MAN1C1: variants seen among roughly 807,000 people sequenced by gnomAD.
MAN1C1 encodes the protein mannosidase alpha class 1C member 1, also known as mannosyl-oligosaccharide 1,2-alpha-mannosidase IC.
In MAN1C1, 49 loss-of-function variants were observed where a neutral mutation model predicts 71.5. That is an observed-to-expected ratio of 0.69 (90% CI 0.54 to 0.87). The LOEUF (loss-of-function observed/expected upper bound fraction) is 0.87, where lower values mean the gene tolerates loss of function less well. Ranked by LOEUF, MAN1C1 falls within the 40% of genes least tolerant of loss-of-function variation. The probability of loss-of-function intolerance (pLI) is 0.00; values close to 1 mark genes in which losing one functional copy is unlikely to be tolerated. For synonymous variants in MAN1C1, 352 were observed against 343.7 expected (o/e 1.02, Z -0.27); for missense variants, 743 against 835.0 (o/e 0.89, Z 1.36).
chr1:25,698,621 G>T (rs1422001197), intron 2 of MAN1C1, among the ~76,000 whole-genome samples: 1 of 152,078 alleles, frequency 6.6e-6, no homozygotes, highest in Non-Finnish European at 1.5e-5. Context: ...TTACACCAAG[G>T]GCTCCTCAAC....
At chr1:25,755,650 C>T (rs575971432) in intron 5 of MAN1C1, among the ~76,000 whole-genome samples, 1 of 152,288 alleles carries the variant, frequency 6.6e-6, no homozygotes, top group Non-Finnish European at 1.5e-5. Flanking sequence ...AACTGAGGCT[C>T]AGAGAGGTGA....
At chr1:25,695,275 G>A (rs1043461613) in intron 2 of MAN1C1, among the ~76,000 whole-genome samples, 9 of 152,098 alleles carry the variant, frequency 5.9e-5, no homozygotes, top group African/African-American at 1.9e-4. Flanking sequence ...AGGCTTAAGG[G>A]CAGCAAGCAA....
intron 6 of MAN1C1, among the ~76,000 whole-genome samples, chr1:25,762,386 G>C (rs1395297566): frequency 6.6e-6 from 1 of 151,562 alleles, no homozygotes; most frequent in South Asian, 2.1e-4. Context: ...GCCTCCCAAA[G>C]TGCTGGGATT....
chr1:25,642,458 A>G (rs2045551372), intron 1 of MAN1C1, among the ~76,000 whole-genome samples: 1 of 152,214 alleles, frequency 6.6e-6, no homozygotes, highest in Non-Finnish European at 1.5e-5. Context: ...GGTTGATCAG[A>G]TCAAATCTAT....
At chr1:25,749,230 C>T (rs1046874752) in intron 3 of MAN1C1, 25 bp from the exon 4 acceptor site, 10 of 1,599,690 alleles carry the variant, frequency 6.3e-6, no homozygotes, top group East Asian at 2.2e-5. Context: ...TCCCCACTGT[C>T]CCCCTCCTTC....
chr1:25,641,677 A>C (rs542725601), intron 1 of MAN1C1, among the ~76,000 whole-genome samples: 1 of 152,306 alleles, frequency 6.6e-6, no homozygotes, highest in South Asian at 2.1e-4. Context: ...AACCTATGGC[A>C]ATTTTGTCTT....
At chr1:25,686,403 C>T in intron 1 of MAN1C1, 37 bp from the exon 2 acceptor site, 1 of 1,582,104 alleles carries the variant, frequency 6.3e-7, no homozygotes, top group Non-Finnish European at 8.7e-7. Context: ...CAGGAATCGT[C>T]ACACTGAGGT....
In MAN1C1 at chr1:25,784,116, G is replaced by A; in HGVS notation, c.*327G>A. 1 of 227,732 alleles carries A rather than the reference G, an allele frequency of 4.4e-6. No homozygotes were observed. The highest frequency in any genetic ancestry group is 8.6e-6 in the Non-Finnish European group (1 of 115,840). 14.1% of individuals were successfully genotyped at this position (227,732 alleles called of 1,614,324 possible). ...TTGATTTGCTTCCTTTTGGTTTCTT[G>A]GTTTTTGTTTTTGCTTGATTTTGTC... On this transcript the variant is annotated 3_prime_UTR_variant, in exon 12 of 12. Transcript: ENST00000374332.
rs74060826 is a variant in MAN1C1 at position 25,778,572 on chromosome 1, A to C, written c.1477+248A>C. ...ACTCTTCCGCACTTGACACAACATC[A>C]CTGAACCTCACCACACAGATGAGGA... On this transcript the variant is annotated intron_variant, in intron 9 of 11. Coordinates refer to ENST00000374332, the MANE Select transcript of MAN1C1 (RefSeq NM_020379.4). This position sits in a 1 kb window ranked among gnomAD's most constrained non-coding sequence, Gnocchi z 5.5. 6.6e-6 allele frequency among the ~76,000 whole-genome samples: 1 copy of C among 152,140 alleles called. No homozygotes were observed. Among genetic ancestry groups the C allele is most frequent in the African/African-American group, 2.4e-5 (1 of 41,506 alleles).
intron 1 of MAN1C1, chr1:25,644,513 TA>T (rs2045584539): frequency 2.0e-5 from 2 of 101,870 alleles, no homozygotes; most frequent in African/African-American, 1.2e-4. Flanking sequence ...TATATATATA[TA>T]TATATTTTTT....
intron 2 of MAN1C1, among the ~76,000 whole-genome samples, chr1:25,727,572 A>G (rs1411805089): frequency 6.6e-6 from 1 of 152,248 alleles, no homozygotes; most frequent in Non-Finnish European, 1.5e-5. Context: ...GCTATGGCAG[A>G]GGAACCCTGC....
intron 5 of MAN1C1, among the ~76,000 whole-genome samples, chr1:25,757,733 T>C (rs982228094): frequency 6.6e-6 from 1 of 152,214 alleles, no homozygotes; most frequent in African/African-American, 2.4e-5. Flanking sequence ...TCAGGGAGAC[T>C]TTCAGTGAAT....
At chr1:25,661,520 G>A (rs542190892) in intron 1 of MAN1C1, among the ~76,000 whole-genome samples, 2 of 152,284 alleles carry the variant, frequency 1.3e-5, no homozygotes, top group South Asian at 2.1e-4. Context: ...CCGAGGGTGA[G>A]TTCTGCCTCC....
chr1:25,705,053 G>A (rs1460814212), intron 2 of MAN1C1, among the ~76,000 whole-genome samples: 1 of 152,222 alleles, frequency 6.6e-6, no homozygotes, highest in African/African-American at 2.4e-5. Context: ...TATGTTGGAA[G>A]TATCTGAGTG....
At chr1:25,749,395 C>T in intron 4 of MAN1C1, 60 bp downstream of exon 4, 2 of 1,369,034 alleles carry the variant, frequency 1.5e-6, no homozygotes, top group Non-Finnish European at 2.0e-6. Flanking sequence ...TGGAGAATAT[C>T]CAGTCCTTCC....
Position 25,725,229 on chromosome 1 carries a change from A to T in MAN1C1, c.638-21439A>T, listed in dbSNP as rs1380292707. ...CCCAGCAGGAGGTGGGAAAATAGGT[A>T]TCTTGGGATCTTAGCAAAAGGAAGC... On this transcript the variant is annotated intron_variant, in intron 2 of 11. Transcript: ENST00000374332. This position sits in a 1 kb window ranked among gnomAD's most constrained non-coding sequence, Gnocchi z 4.8. Among the ~76,000 whole-genome samples the T allele has an allele frequency of 2.6e-4, 39 of 152,332 alleles. No individual in the cohort carries two copies. The highest frequency in any genetic ancestry group is 2.5e-3 in the Admixed American group (39 of 15,302).
At chr1:25,666,082 G>GAA (rs144447325) in intron 1 of MAN1C1, among the ~76,000 whole-genome samples, 1 of 149,994 alleles carries the variant, frequency 6.7e-6, no homozygotes, top group African/African-American at 2.5e-5. Flanking sequence ...CTAGTTGGAA[G>GAA]AAAAAAAAAC....
At chr1:25,665,401 C>A (rs1297549957) in intron 1 of MAN1C1, among the ~76,000 whole-genome samples, 1 of 152,106 alleles carries the variant, frequency 6.6e-6, no homozygotes, top group African/African-American at 2.4e-5. Flanking sequence ...GGTGTGATAA[C>A]AGCCTACATC....
At chr1:25,754,256 C>T (rs1557793609) in intron 5 of MAN1C1, among the ~76,000 whole-genome samples, 1 of 152,190 alleles carries the variant, frequency 6.6e-6, no homozygotes, top group Non-Finnish European at 1.5e-5. Context: ...ATCCCATCTC[C>T]TGAAGTGATT....
Sources: allele counts gnomAD v4.1 joint callset (sites outside exome capture counted in the v4.1 genomes callset), GRCh38; gene constraint gnomAD v4.1.1; non-coding constraint Gnocchi (gnomAD v3.1); transcripts MANE v1.5; gene names NCBI Gene and HGNC (gene_info 2026-07-23, HGNC 2026-07-21).